The following HIP1R variants were observed in gnomAD, a reference collection of about 807,000 sequenced individuals.
HIP1R encodes huntingtin-interacting protein 1-related protein.
HIP1R carries 135 observed loss-of-function variants against 144.2 expected under a neutral mutation model. That is an observed-to-expected ratio of 0.94 (90% CI 0.81 to 1.08). HIP1R has a LOEUF of 1.08. Ranked by LOEUF, HIP1R falls within the 50% of genes least tolerant of loss-of-function variation. HIP1R has a pLI of 0.00. For missense variants in HIP1R, 1,462 were observed against 1,432.8 expected (o/e 1.02, Z -0.33); for synonymous variants, 698 against 612.8 (o/e 1.14, Z -2.05).
Position 122,848,589 on chromosome 12 carries a change from T to C in HIP1R, c.281T>C (p.Leu94Pro). Residue 94 changes from leucine (L) to proline (P), a missense_variant, in exon 3 of 32, where the codon CTT becomes CCT. By Grantham distance (98) the Leu-to-Pro change is moderately conservative. Transcript: ENST00000253083. ...TTCTGCCACGTCCTCCACAAGGTCCTTCGAGACGGGCACCCCAATGTGAGT... is the reference window on the plus strand; with the variant it reads ...TTCTGCCACGTCCTCCACAAGGTCCCTCGAGACGGGCACCCCAATGTGAGT... ...WKFCHVLHKV[L>P]RDGHPNVLHD... 6.2e-7 allele frequency: 1 copy of C among 1,612,578 alleles called. No homozygotes were observed. Among genetic ancestry groups the C allele is most frequent in the Non-Finnish European group, 8.5e-7 (1 of 1,179,596 alleles).
intron 24 of HIP1R, 79 bp from the exon 25 acceptor site, chr12:122,859,968 C>T (rs528655961): frequency 3.4e-6 from 5 of 1,490,058 alleles, no homozygotes; most frequent in South Asian, 1.3e-5. Flanking sequence ...CTGCTGAGCC[C>T]TGATGTGGCC....
At chr12:122,847,962 C>A in intron 1 of HIP1R, 69 bp from the exon 2 acceptor site, 1 of 1,449,612 alleles carries the variant, frequency 6.9e-7, no homozygotes, top group Non-Finnish European at 9.6e-7. Context: ...TTGTGCTTCT[C>A]CCCCTTGGGG....
chr12:122,836,774 T>C lies in HIP1R; in HGVS notation c.93+1131T>C, dbSNP rs1451501277. Reference sequence around the variant, plus strand: ...TATGACTTCTGCGGTTGCCTTCACATCTAGTTAGCACACGCACTCTACAAC... The same window carrying C: ...TATGACTTCTGCGGTTGCCTTCACACCTAGTTAGCACACGCACTCTACAAC... On this transcript the variant is annotated intron_variant, in intron 1 of 31. Transcript: ENST00000253083. This position sits in a 1 kb window ranked among gnomAD's most constrained non-coding sequence, Gnocchi z 4.1. Among the ~76,000 whole-genome samples, 2 of 152,148 alleles carry C rather than the reference T, an allele frequency of 1.3e-5. No individual in the cohort carries two copies. Among genetic ancestry groups the C allele is most frequent in the African/African-American group, 2.4e-5 (1 of 41,428 alleles).
At chr12:122,842,266 G>T (rs916917651) in intron 1 of HIP1R, among the ~76,000 whole-genome samples, 2 of 152,320 alleles carry the variant, frequency 1.3e-5, no homozygotes, top group Non-Finnish European at 2.9e-5. Context: ...CTGCTGTTAG[G>T]TGCCACGATA....
In HIP1R at chr12:122,835,590, C is replaced by T. The variant is rs1416327146; in HGVS notation, c.40C>T (p.Arg14Cys). The part of the protein sequence containing the change: ...IKNVPARVLS[R>C]RPGHSLEAER... ...GAACGTGCCGGCGCGGGTGCTGAGC[C>T]GCAGGCCGGGCCACAGCCTGGAGGC... is the stretch of plus-strand genomic sequence containing the variant. The change falls in exon 1 of 32, where the codon CGC becomes TGC. Residue 14 changes from arginine (R) to cysteine (C), a missense_variant. Arg to Cys is a radical substitution (Grantham distance 180). Coordinates refer to ENST00000253083, the MANE Select transcript of HIP1R (RefSeq NM_003959.3). 1 of 1,343,566 alleles carries T rather than the reference C, an allele frequency of 7.4e-7. No homozygotes were observed. The highest frequency in any genetic ancestry group is 2.7e-5 in the Admixed American group (1 of 36,450). The allele number at this position is 1,343,566 out of a possible 1,614,324, so 83.2% of individuals were successfully genotyped here.
intron 1 of HIP1R, among the ~76,000 whole-genome samples, chr12:122,841,186 G>C (rs960239109): frequency 6.6e-6 from 1 of 151,804 alleles, no homozygotes; most frequent in Non-Finnish European, 1.5e-5. Flanking sequence ...CCTCCTCTGT[G>C]CAGCCACCCG....
rs2032859562 is a variant in HIP1R, at chr12:122,835,579, G to C, written c.29G>C (p.Arg10Pro). The change falls in exon 1 of 32, where the codon CGG becomes CCG. Residue 10 changes from arginine (R) to proline (P), a missense_variant. Coordinates refer to ENST00000253083, the MANE Select transcript of HIP1R (RefSeq NM_003959.3). ...AACAGCATCAAGAACGTGCCGGCGC[G>C]GGTGCTGAGCCGCAGGCCGGGCCAC... MNSIKNVPA[R>P]VLSRRPGHSL... 3.7e-6 allele frequency: 5 copies of C among 1,354,834 alleles called. No homozygotes were observed. Among genetic ancestry groups the C allele is most frequent in the Non-Finnish European group, 4.8e-6 (5 of 1,044,784 alleles). The allele number at this position is 1,354,834 out of a possible 1,614,324, so 83.9% of individuals were successfully genotyped here.
chr12:122,846,803 C>T (rs571127261), intron 1 of HIP1R, among the ~76,000 whole-genome samples: 1 of 152,328 alleles, frequency 6.6e-6, no homozygotes, highest in African/African-American at 2.4e-5. Context: ...CCCCTAGCTC[C>T]CATCTGAGGT....
At chr12:122,856,193 AG>A in intron 14 of HIP1R, 30 bp downstream of exon 14, 1 of 1,611,992 alleles carries the variant, frequency 6.2e-7, no homozygotes, top group South Asian at 1.1e-5. Context: ...CAGGGGTCCA[AG>A]GGTGTGTCCC....
chr12:122,860,396 C>T (rs1593891746), intron 26 of HIP1R, 27 bp from the exon 27 acceptor site: 1 of 1,610,284 alleles, frequency 6.2e-7, no homozygotes, highest in East Asian at 2.2e-5. Context: ...ACTGGCATGT[C>T]CTGCCCTGTT....
At chr12:122,846,754 C>T (rs2343108) in intron 1 of HIP1R, among the ~76,000 whole-genome samples, 126,985 of 152,226 alleles carry the variant, frequency 0.83, 53,328 homozygotes, top group Admixed American at 0.9. Flanking sequence ...TGCTAGGGGC[C>T]GGGGGCGGCC....
intron 4 of HIP1R, 26 bp downstream of exon 4, chr12:122,848,878 C>T: frequency 1.2e-6 from 2 of 1,611,568 alleles, no homozygotes; most frequent in Non-Finnish European, 1.7e-6. Flanking sequence ...CTAGGTCCTG[C>T]CTGGCATTCG....
intron 25 of HIP1R, 35 bp from the exon 26 acceptor site, chr12:122,860,113 A>C: frequency 6.3e-7 from 1 of 1,584,302 alleles, no homozygotes; most frequent in South Asian, 1.2e-5. Flanking sequence ...CTGCACCTGG[A>C]GGGCCACCAG....
At chr12:122,845,502 A>G (rs956845473) in intron 1 of HIP1R, among the ~76,000 whole-genome samples, 2 of 152,144 alleles carry the variant, frequency 1.3e-5, no homozygotes, top group African/African-American at 4.8e-5. Context: ...CGCACAGGAG[A>G]CCATGCCATG....
chr12:122,850,451 G>C (rs1566106212), intron 5 of HIP1R: 1 of 227,780 alleles, frequency 4.4e-6, no homozygotes, highest in Admixed American at 8.0e-5. Context: ...GGGTGGGGGG[G>C]CCCTGGTTCG....
At position 122,861,148 on chromosome 12, in the gene HIP1R, G is replaced by A. The variant is rs757595211; in HGVS notation, c.2908G>A (p.Gly970Ser). The A allele has an allele frequency of 2.0e-5, 33 of 1,613,144 alleles. No homozygotes were observed. The highest frequency in any genetic ancestry group is 3.3e-4 in the Middle Eastern group (2 of 6,082). Residue 970 changes from glycine to serine, a missense_variant, in exon 30 of 32, where the codon GGC becomes AGC. By Grantham distance (56) the Gly-to-Ser change is moderately conservative. This residue lies in a region of HIP1R where 1,112 missense variants were observed against 1,011.7 expected (regional missense o/e 1.10). Transcript: ENST00000253083. ...GGCCACAGACACCATGGATTTCTCC[G>A]GCCTGTCCCTCATCAAGCTGAAGAA... The part of the protein sequence containing the change: ...IEDRDTMDFS[G>S]LSLIKLKKQE...
In HIP1R at chr12:122,861,175, CAGG is replaced by C. The variant is rs1301882719; in HGVS notation, c.2938_2940del (p.Glu980del). On this transcript the variant is annotated inframe_deletion, in exon 30 of 32. Transcript: ENST00000253083. ...CCTGTCCCTCATCAAGCTGAAGAAG[CAGG>C]AGATGGAGACCCAGGTAGGCGCCCA... 6.2e-7 allele frequency: 1 copy of C among 1,607,000 alleles called. No homozygotes were observed.
At chr12:122,855,479 C>T in intron 11 of HIP1R, 72 bp from the exon 12 acceptor site, 1 of 1,547,804 alleles carries the variant, frequency 6.5e-7, no homozygotes, top group South Asian at 1.2e-5. Context: ...GTCGGGTGGC[C>T]AGCCCTCCCT....
chr12:122,859,059 A>G lies in HIP1R; in HGVS notation c.2159-2A>G. On this transcript the variant is annotated splice_acceptor_variant, in intron 21 of 31. Transcript: ENST00000253083. LOFTEE classifies it high-confidence loss of function. ...TCCACTCACGGTCCTTTCTCACCCC[A>G]GGCCTCATAGACACCTGCAGGGAGT... is the stretch of plus-strand genomic sequence containing the variant. 1.2e-6 allele frequency: 2 copies of G among 1,605,572 alleles called. No individual in the cohort carries two copies. The highest frequency in any genetic ancestry group is 2.2e-5 in the East Asian group (1 of 44,462).
Sources: allele counts gnomAD v4.1 joint callset (sites outside exome capture counted in the v4.1 genomes callset), GRCh38; gene constraint gnomAD v4.1.1; regional missense constraint gnomAD v4.1.1; non-coding constraint Gnocchi (gnomAD v3.1); transcripts MANE v1.5; gene names NCBI Gene and HGNC (gene_info 2026-07-23, HGNC 2026-07-21).